The following CNGB1 variants were observed in gnomAD, a reference collection of about 807,000 sequenced individuals.
The protein encoded by CNGB1 is cyclic nucleotide-gated channel beta-1.
In CNGB1, 126 loss-of-function variants were observed where a neutral mutation model predicts 151.7. That is an observed-to-expected ratio of 0.83 (90% CI 0.72 to 0.96). CNGB1 has a LOEUF of 0.96. Among genes scored for constraint, CNGB1 ranks in the 40% least tolerant of loss-of-function variants. CNGB1 has a pLI of 0.00. For missense variants in CNGB1, 1,698 were observed against 1,627.0 expected, an observed-to-expected ratio of 1.04 and a Z score of -0.75; for synonymous variants, 623 against 635.1, an observed-to-expected ratio of 0.98 and a Z score of 0.29.
intron 17 of CNGB1, among the ~76,000 whole-genome samples, chr16:57,925,165 C>A (rs1332630598): frequency 3.3e-5 from 5 of 151,598 alleles, no homozygotes; most frequent in African/African-American, 1.2e-4. Context: ...ACCACACCAG[C>A]TAATTTTTTT....
chr16:57,957,010 G>A (rs1783042203), intron 12 of CNGB1, among the ~76,000 whole-genome samples: 1 of 152,182 alleles, frequency 6.6e-6, no homozygotes, highest in Non-Finnish European at 1.5e-5. Context: ...GGGGATGGGG[G>A]AAGCTCTCTG....
chr16:57,915,257 A>G lies in CNGB1; in HGVS notation c.2296T>C (p.Cys766Arg), dbSNP rs773682702. 1.2e-6 allele frequency: 2 copies of G among 1,613,684 alleles called. No homozygotes were observed. Among genetic ancestry groups the G allele is most frequent in the Non-Finnish European group, 1.7e-6 (2 of 1,179,704 alleles). The change falls in exon 23 of 33, where the codon TGT becomes CGT. Residue 766 changes from cysteine to arginine, a missense_variant. Physicochemically the swap from Cys to Arg is radical, Grantham distance 180 (BLOSUM62 -3). Transcript: ENST00000251102. ...GVNPLLRLPR[C>R]LKYMAFFEFN... is the part of the protein sequence containing the mutation. ...GGGCCCAGCAGTCCTACCTTTAAACAGCGGGGCAGGCGGAGGAGGGGGTTC... is the reference window on the plus strand; with the variant it reads ...GGGCCCAGCAGTCCTACCTTTAAACGGCGGGGCAGGCGGAGGAGGGGGTTC...
chr16:57,917,059 C>A (rs1366344877), intron 21 of CNGB1, among the ~76,000 whole-genome samples: 2 of 152,208 alleles, frequency 1.3e-5, no homozygotes, highest in Non-Finnish European at 2.9e-5. Flanking sequence ...ACTATTTCAC[C>A]TATGAGCAAT....
At chr16:57,959,022 G>A (rs1307944571) in intron 10 of CNGB1, among the ~76,000 whole-genome samples, 1 of 150,870 alleles carries the variant, frequency 6.6e-6, no homozygotes, top group East Asian at 2.0e-4. Flanking sequence ...CAAAGTACCG[G>A]GATTACAAGC....
intron 13 of CNGB1, among the ~76,000 whole-genome samples, chr16:57,949,999 A>G (rs9888790): frequency 0.26 from 40,211 of 152,206 alleles, 5,535 homozygotes; most frequent in African/African-American, 0.32. Flanking sequence ...GAGGTTTAAT[A>G]AATTATGGTA....
chr16:57,954,629 C>T (rs1366278374), intron 12 of CNGB1: 3 of 960,560 alleles, frequency 3.1e-6, no homozygotes, highest in Admixed American at 6.2e-5. Flanking sequence ...AACCTAAACC[C>T]TTCTTTTAGC....
intron 27 of CNGB1, 36 bp from the exon 28 acceptor site, chr16:57,901,661 C>G (rs577007724): frequency 6.4e-7 from 1 of 1,571,282 alleles, no homozygotes; most frequent in Admixed American, 1.7e-5. Flanking sequence ...AGAGGCAAGG[C>G]CGGGCCCCAC....
At chr16:57,968,537 C>T (rs1962455180) in intron 1 of CNGB1, among the ~76,000 whole-genome samples, 1 of 152,124 alleles carries the variant, frequency 6.6e-6, no homozygotes, top group South Asian at 2.1e-4. Flanking sequence ...ATACTCAGAA[C>T]AGTGACTGGC....
rs370536830 is a variant in CNGB1 at position 57,917,307 on chromosome 16, G to C, written c.2127C>G (p.Phe709Leu). 59 of 1,613,986 alleles carry C rather than the reference G, an allele frequency of 3.7e-5. No homozygotes were observed. The highest frequency in any genetic ancestry group is 4.7e-5 in the Non-Finnish European group (55 of 1,180,036). ...DLIYFLDITV[F>L]QTRLQFVRGG... The stretch of plus-strand genomic sequence containing the variant: ...CTCTGACAAACTGCAGGCGTGTCTG[G>C]AACACGGTGATGTCCAGGAAGTAGA... The change falls in exon 21 of 33, where the codon TTC (phenylalanine) becomes TTG (leucine). Residue 709 changes from phenylalanine (F) to leucine (L), a missense_variant. Transcript: ENST00000251102.
chr16:57,902,453 T>C (rs1232005540), intron 27 of CNGB1, among the ~76,000 whole-genome samples: 1 of 152,158 alleles, frequency 6.6e-6, no homozygotes, highest in African/African-American at 2.4e-5. Flanking sequence ...TAAAATACTT[T>C]GAACCCTGAA....
intron 14 of CNGB1, among the ~76,000 whole-genome samples, chr16:57,943,000 C>A (rs1218085225): frequency 1.3e-5 from 2 of 151,720 alleles, no homozygotes; most frequent in Non-Finnish European, 2.9e-5. Flanking sequence ...AAATATGAAC[C>A]CAAGAGCACA....
intron 5 of CNGB1, 28 bp downstream of exon 5, chr16:57,962,946 C>G: frequency 6.2e-7 from 1 of 1,612,544 alleles, no homozygotes; most frequent in Non-Finnish European, 8.5e-7. Flanking sequence ...TCCAACCCGG[C>G]CCCTTCAGCC....
chr16:57,910,876 A>G (rs547976109), intron 25 of CNGB1, among the ~76,000 whole-genome samples: 16 of 152,192 alleles, frequency 1.1e-4, no homozygotes, highest in Non-Finnish European at 1.9e-4. Flanking sequence ...GTCATCAGGA[A>G]CCCCTGAGGC....
intron 16 of CNGB1, among the ~76,000 whole-genome samples, chr16:57,933,724 CTTTTTTT>C (rs5817126): frequency 1.7e-5 from 2 of 119,596 alleles, no homozygotes; most frequent in Admixed American, 1.8e-4. Flanking sequence ...CTTTTCTTTT[CTTTTTTT>C]TTTTTTTTTG....
Position 57,915,345 on chromosome 16 carries a change from C to T in CNGB1, c.2218-10G>A. 1 of 1,608,740 alleles carries T rather than the reference C, an allele frequency of 6.2e-7. No homozygotes were observed. The highest frequency in any genetic ancestry group is 8.5e-7 in the Non-Finnish European group (1 of 1,175,218). On this transcript the variant is annotated splice_polypyrimidine_tract_variant and intron_variant, in intron 22 of 32. Transcript: ENST00000251102. Reference sequence around the variant, plus strand: ...GGCTGAGCAGGTCCATCTGAAATCCCAGTGGGACACCATGGGGGTAAAACG... The same window carrying T: ...GGCTGAGCAGGTCCATCTGAAATCCTAGTGGGACACCATGGGGGTAAAACG...
intron 25 of CNGB1, among the ~76,000 whole-genome samples, chr16:57,909,126 G>A (rs377684104): frequency 2.4e-3 from 364 of 152,280 alleles, no homozygotes; most frequent in African/African-American, 8.3e-3. Flanking sequence ...AAATTAGCTA[G>A]GTGCAGTGGC....
intron 2 of CNGB1, among the ~76,000 whole-genome samples, chr16:57,966,847 A>G (rs1001314471): frequency 1.3e-5 from 2 of 152,258 alleles, no homozygotes; most frequent in African/African-American, 2.4e-5. Flanking sequence ...TTTTCACACT[A>G]TAATGGCAGA....
At chr16:57,922,053 C>T (rs1961050687) in intron 18 of CNGB1, among the ~76,000 whole-genome samples, 1 of 152,226 alleles carries the variant, frequency 6.6e-6, no homozygotes, top group Admixed American at 6.5e-5. Flanking sequence ...CCTACCCTAT[C>T]TCATAAAATG....
At chr16:57,917,779 T>C (rs377148545) in intron 20 of CNGB1, among the ~76,000 whole-genome samples, 1 of 149,148 alleles carries the variant, frequency 6.7e-6, no homozygotes, top group East Asian at 2.0e-4. Context: ...CTGGACAACA[T>C]AGCAAGACCC....
Sources: gnomAD v4.1 joint callset for allele counts (sites outside exome capture counted in the v4.1 genomes callset) on GRCh38, gnomAD v4.1.1 for gene constraint, MANE v1.5 for transcripts, NCBI Gene and HGNC (gene_info 2026-07-23, HGNC 2026-07-21) for gene names.